KCNIP4: variants seen among roughly 807,000 people sequenced by gnomAD.
KCNIP4 encodes the protein Kv channel-interacting protein 4.
Under a neutral mutation model 34.0 loss-of-function variants are expected in KCNIP4, and 12 were observed. The ratio of observed to expected loss-of-function variants is 0.35; its 90% CI spans 0.23 to 0.57. The LOEUF (loss-of-function observed/expected upper bound fraction) is 0.57. Ranked by LOEUF, KCNIP4 falls within the 20% of genes least tolerant of loss-of-function variation. The pLI is 0.83. For synonymous variants in KCNIP4, 124 were observed against 102.2 expected, an observed-to-expected ratio of 1.21 and a Z score of -1.29; for missense variants, 238 against 311.7, an observed-to-expected ratio of 0.76 and a Z score of 1.78.
At chr4:21,341,246 C>G (rs1290813095) in intron 1 of KCNIP4, among the ~76,000 whole-genome samples, 2 of 152,088 alleles carry the variant, frequency 1.3e-5, no homozygotes, top group African/African-American at 4.8e-5. Flanking sequence ...TTCTGGGCTT[C>G]AGAACTATGA....
intron 1 of KCNIP4, among the ~76,000 whole-genome samples, chr4:21,447,948 G>A (rs925834929): frequency 2.0e-5 from 3 of 151,968 alleles, no homozygotes; most frequent in Non-Finnish European, 4.4e-5. Flanking sequence ...CTTACAAATT[G>A]GTTATTTTTG....
chr4:21,316,038 T>C (rs922119074), intron 1 of KCNIP4, among the ~76,000 whole-genome samples: 1 of 152,226 alleles, frequency 6.6e-6, no homozygotes, highest in African/African-American at 2.4e-5. Flanking sequence ...TCCAACTGCT[T>C]CCTTTTCCTT....
At chr4:20,989,147 G>A (rs1006650447) in intron 1 of KCNIP4, among the ~76,000 whole-genome samples, 1 of 152,108 alleles carries the variant, frequency 6.6e-6, no homozygotes, top group Admixed American at 6.6e-5. Flanking sequence ...ACATGTATAT[G>A]TGCTCTGCAC....
chr4:21,094,895 G>A (rs905076673), intron 1 of KCNIP4, among the ~76,000 whole-genome samples: 5 of 152,278 alleles, frequency 3.3e-5, no homozygotes, highest in African/African-American at 1.2e-4. Context: ...AGTTTACACA[G>A]GAAGGAAGTG....
At chr4:21,461,899 T>G (rs1413835818) in intron 1 of KCNIP4, among the ~76,000 whole-genome samples, 1 of 152,052 alleles carries the variant, frequency 6.6e-6, no homozygotes, top group East Asian at 1.9e-4. Flanking sequence ...ACTGTTGTTT[T>G]TGTTTAGATT....
At chr4:20,745,187 T>C (rs958354525) in intron 5 of KCNIP4, among the ~76,000 whole-genome samples, 2 of 151,898 alleles carry the variant, frequency 1.3e-5, no homozygotes, top group African/African-American at 4.8e-5. Context: ...TCTGGCCTTT[T>C]TGTTGCTGTG....
chr4:21,507,258 A>T (rs908520004), intron 1 of KCNIP4, among the ~76,000 whole-genome samples: 6 of 149,394 alleles, frequency 4.0e-5, no homozygotes, highest in South Asian at 2.1e-4. Flanking sequence ...CAATGGCTTT[A>T]TTTTTATTTT....
chr4:21,236,627 T>C (rs566033208), intron 1 of KCNIP4, among the ~76,000 whole-genome samples: 1 of 152,250 alleles, frequency 6.6e-6, no homozygotes, highest in African/African-American at 2.4e-5. Flanking sequence ...CTATATCTGG[T>C]ACTAAAAATC....
At chr4:21,789,070 C>CA (rs35630701) in intron 1 of KCNIP4, among the ~76,000 whole-genome samples, 30,616 of 93,578 alleles carry the variant, frequency 0.33, 6,896 homozygotes, top group East Asian at 0.59. Flanking sequence ...GAGATTCTGT[C>CA]AAAAAAAAAA....
intron 1 of KCNIP4, among the ~76,000 whole-genome samples, chr4:20,886,703 T>A (rs1261360848): frequency 6.6e-6 from 1 of 152,036 alleles, no homozygotes; most frequent in African/African-American, 2.4e-5. Context: ...TTTCCTAGAG[T>A]AAGGGCCATA....
intron 1 of KCNIP4, among the ~76,000 whole-genome samples, chr4:21,173,359 C>T (rs1392249961): frequency 1.3e-5 from 2 of 152,036 alleles, no homozygotes; most frequent in African/African-American, 2.4e-5. Context: ...GTGCATATCA[C>T]GTGAGTAGTA....
At chr4:21,361,214 C>T (rs1289275680) in intron 1 of KCNIP4, among the ~76,000 whole-genome samples, 1 of 151,948 alleles carries the variant, frequency 6.6e-6, no homozygotes, top group Non-Finnish European at 1.5e-5. Context: ...GGTGACCTTA[C>T]CTTATAACTT....
intron 1 of KCNIP4, among the ~76,000 whole-genome samples, chr4:20,943,098 G>A (rs1310146155): frequency 1.3e-5 from 2 of 148,778 alleles, no homozygotes; most frequent in Non-Finnish European, 3.0e-5. Flanking sequence ...GAGTACAGCT[G>A]CAGAATGTAT....
chr4:21,438,436 A>G (rs1358773027), intron 1 of KCNIP4, among the ~76,000 whole-genome samples: 2 of 152,232 alleles, frequency 1.3e-5, no homozygotes, highest in Non-Finnish European at 2.9e-5. Flanking sequence ...TAAGAAATAC[A>G]TATTACTGTA....
At chr4:21,066,180 G>A (rs1222345614) in intron 1 of KCNIP4, among the ~76,000 whole-genome samples, 3 of 152,034 alleles carry the variant, frequency 2.0e-5, no homozygotes, top group African/African-American at 7.2e-5. Context: ...TTCTTATTGT[G>A]GGCAGCTCTG....
intron 1 of KCNIP4, among the ~76,000 whole-genome samples, chr4:21,782,637 G>T (rs768874363): frequency 6.6e-6 from 1 of 152,260 alleles, no homozygotes; most frequent in South Asian, 2.1e-4. Context: ...GGTTGAGGCC[G>T]CAGTGAGCTG....
intron 1 of KCNIP4, among the ~76,000 whole-genome samples, chr4:21,145,568 A>G (rs2109225588): frequency 6.6e-6 from 1 of 152,344 alleles, no homozygotes. Context: ...AGTGCAACAG[A>G]GTCCTCCAAT....
At position 21,787,525 on chromosome 4, in the gene KCNIP4, C is replaced by A. The variant is rs1317745779; in HGVS notation, c.61+161046G>T. Among the ~76,000 whole-genome samples the A allele has an allele frequency of 1.6e-4, 24 of 152,148 alleles. 1 individual carries two copies. The highest frequency in any genetic ancestry group is 1.5e-5 in the Non-Finnish European group (1 of 68,020). On this transcript the variant is annotated intron_variant, in intron 1 of 8. Coordinates refer to ENST00000382152, the MANE Select transcript of KCNIP4 (RefSeq NM_025221.6). ...CTTTGTCATTTATTTCTCACAACAA[C>A]CCCATGAAGAAGTTATTATTATCCT...
At chr4:21,069,011 T>C (rs1330965416) in intron 1 of KCNIP4, among the ~76,000 whole-genome samples, 1 of 152,196 alleles carries the variant, frequency 6.6e-6, no homozygotes, top group African/African-American at 2.4e-5. Context: ...AACCTATCTG[T>C]GCCTGAGATT....
Sources: gnomAD v4.1 joint callset for allele counts (sites outside exome capture counted in the v4.1 genomes callset) on GRCh38, gnomAD v4.1.1 for gene constraint, MANE v1.5 for transcripts, NCBI Gene and HGNC (gene_info 2026-07-23, HGNC 2026-07-21) for gene names.